The following RIMKLB variants were observed in gnomAD, a reference collection of about 807,000 sequenced individuals.
RIMKLB encodes the protein beta-citrylglutamate synthase B.
RIMKLB carries 7 observed loss-of-function variants against 32.0 expected under a neutral mutation model. The observed-to-expected ratio is 0.22, with a 90% CI of 0.12 to 0.41. The LOEUF (loss-of-function observed/expected upper bound fraction) is 0.41, where lower values mean the gene tolerates loss of function less well. Among genes scored for constraint, RIMKLB ranks in the 10% least tolerant of loss-of-function variants. The pLI, the probability that RIMKLB is intolerant of heterozygous loss-of-function variation, is 1.00. For synonymous variants in RIMKLB, 172 were observed against 185.1 expected (o/e 0.93, Z 0.57); for missense variants, 289 against 498.7 (o/e 0.58, Z 4.00).
At chr12:8,741,376 T>C (rs1947506118) in intron 2 of RIMKLB, among the ~76,000 whole-genome samples, 5 of 148,724 alleles carry the variant, frequency 3.4e-5, no homozygotes, top group African/African-American at 1.2e-4. Context: ...AGACTCCACC[T>C]TAAAAAAAAA....
intron 1 of RIMKLB, among the ~76,000 whole-genome samples, chr12:8,698,961 CA>C (rs777285492): frequency 1.2e-3 from 175 of 146,788 alleles, no homozygotes; most frequent in Non-Finnish European, 1.9e-3. Context: ...CACCCCCCCC[CA>C]AAAAAAACCC....
intron 2 of RIMKLB, among the ~76,000 whole-genome samples, chr12:8,729,598 A>G (rs893747148): frequency 1.1e-4 from 17 of 152,084 alleles, no homozygotes; most frequent in African/African-American, 4.1e-4. Context: ...GCAGGAAAAC[A>G]GGGATGTAAA....
chr12:8,775,687 T>C lies in RIMKLB; in HGVS notation c.*1903T>C, dbSNP rs568566501. On this transcript the variant is annotated 3_prime_UTR_variant, in exon 6 of 6. Transcript: ENST00000535829. ...CGTTTTAAAAAGGAATGTAATAAAA[T>C]TTGTTTTTTCCATAGAATTAAATAA... 1.4e-5 allele frequency: 14 copies of C among 985,150 alleles called. No individual in the cohort carries two copies. The highest frequency in any genetic ancestry group is 1.7e-5 in the Non-Finnish European group (14 of 829,410). 61.0% of individuals were successfully genotyped at this position (985,150 alleles called of 1,614,324 possible).
intron 5 of RIMKLB, among the ~76,000 whole-genome samples, chr12:8,764,189 G>A (rs749192720): frequency 6.6e-6 from 1 of 152,172 alleles, no homozygotes; most frequent in Non-Finnish European, 1.5e-5. Context: ...TTGGGCCTCG[G>A]GTCTAAGGGG....
At chr12:8,687,988 T>C (rs1942627523) in intron 1 of RIMKLB, among the ~76,000 whole-genome samples, 1 of 152,080 alleles carries the variant, frequency 6.6e-6, no homozygotes, top group Non-Finnish European at 1.5e-5. Flanking sequence ...AGGAGGTGTC[T>C]AGAAGAAACA....
chr12:8,714,717 AC>A (rs1183965357), intron 2 of RIMKLB, among the ~76,000 whole-genome samples: 2 of 152,162 alleles, frequency 1.3e-5, no homozygotes, highest in African/African-American at 4.8e-5. Flanking sequence ...TTTTCAGAAA[AC>A]TAAATTTTTG....
chr12:8,693,124 T>TTAAAGGTTTAA (rs1942780463), upstream of RIMKLB, among the ~76,000 whole-genome samples: 1 of 152,230 alleles, frequency 6.6e-6, no homozygotes. Context: ...ATGATGTGTA[T>TTAAAGGTTTAA]AGGGCACTTA....
chr12:8,763,975 C>T (rs1015674834), intron 5 of RIMKLB, among the ~76,000 whole-genome samples: 1 of 152,192 alleles, frequency 6.6e-6, no homozygotes, highest in Non-Finnish European at 1.5e-5. Context: ...TCTGCTTCCT[C>T]TGGCATTTAG....
At position 8,682,648 on chromosome 12, in the gene RIMKLB, T is replaced by C. The variant is rs1942443815; in HGVS notation, n.219+830T>C. ...TTAGCCGGGCGTGGTGGCGGGCGCCTGTAGTCCCAGCTACTCGGGAGGCTG... is the reference window on the plus strand; with the variant it reads ...TTAGCCGGGCGTGGTGGCGGGCGCCCGTAGTCCCAGCTACTCGGGAGGCTG... On this transcript the variant is annotated intron_variant and non_coding_transcript_variant, in intron 1 of 1. Coordinates refer to the RIMKLB transcript ENST00000538758. Among the ~76,000 whole-genome samples, 4 of 151,522 alleles carry C rather than the reference T, an allele frequency of 2.6e-5. No homozygotes were observed. The South Asian group carries it at 8.3e-4, about 32-fold the overall frequency.
chr12:8,773,554 C>G lies in RIMKLB; in HGVS notation c.931C>G (p.Arg311Gly). 2 of 1,614,244 alleles carry G rather than the reference C, an allele frequency of 1.2e-6. No homozygotes were observed. The highest frequency in any genetic ancestry group is 1.3e-5 in the African/African-American group (1 of 75,062). Residue 311 changes from arginine to glycine, a missense_variant, in exon 6 of 6, where the codon CGG (arginine) becomes GGG (glycine). Coordinates refer to ENST00000535829, the MANE Select transcript of RIMKLB (RefSeq NM_001297776.2). ...TGCCGCCTCCCTTCTACCCTCTGGC[C>G]GGCTCACCCGGCGTATGTCCCTGCT... ...DYAASLLPSGRLTRRMSLLSV... is the reference protein window; with the variant it reads ...DYAASLLPSGGLTRRMSLLSV...
chr12:8,751,985 T>C lies in RIMKLB; in HGVS notation c.435T>C (p.Ile145=). 1 of 1,613,760 alleles carries C rather than the reference T, an allele frequency of 6.2e-7. No individual in the cohort carries two copies. Among genetic ancestry groups the C allele is most frequent in the South Asian group, 1.1e-5 (1 of 91,036 alleles). The part of the protein sequence containing the change: ...YGGHENFAKM[I]DEAEVLEFPM... Reference sequence around the variant, plus strand: ...GCCACGAAAATTTTGCTAAAATGATTGATGAGGCTGAAGTTCTGGAGTTCC... The same window carrying C: ...GCCACGAAAATTTTGCTAAAATGATCGATGAGGCTGAAGTTCTGGAGTTCC... The change falls in exon 4 of 6, where the codon ATT becomes ATC. Residue 145 remains isoleucine, a synonymous_variant. Transcript: ENST00000535829.
rs1948838096 is a variant in RIMKLB, at chr12:8,754,188, A to C, written c.697+95A>C. The C allele has an allele frequency of 6.8e-6, 6 of 885,950 alleles. No individual in the cohort carries two copies. In the South Asian group the frequency reaches 7.4e-5, roughly 11 times the overall value. The allele number at this position is 885,950 out of a possible 1,614,324, so 54.9% of individuals were successfully genotyped here. ...GTATGTAACTCTAGACCTTCTTAAT[A>C]AGTTGAAAAACGTATTTCCTTTTAC... On this transcript the variant is annotated intron_variant, in intron 5 of 5. Coordinates refer to ENST00000535829, the MANE Select transcript of RIMKLB (RefSeq NM_001297776.2).
Position 8,713,883 on chromosome 12 carries a change from C to T in RIMKLB, c.17C>T (p.Ala6Val). The T allele has an allele frequency of 1.2e-6, 2 of 1,613,980 alleles. No homozygotes were observed. The highest frequency in any genetic ancestry group is 1.1e-5 in the South Asian group (1 of 91,068). MCSSV[A>V]AKLWFLTDRR... Reference sequence around the variant, plus strand: ...CTGATCAAGATGTGTAGTTCTGTGGCTGCCAAGTTGTGGTTTTTGACAGAT... The same window carrying T: ...CTGATCAAGATGTGTAGTTCTGTGGTTGCCAAGTTGTGGTTTTTGACAGAT... The change falls in exon 2 of 6, where the codon GCT (alanine) becomes GTT (valine). Residue 6 changes from alanine (A) to valine (V), a missense_variant. Ala to Val is a moderately conservative substitution (Grantham distance 64, BLOSUM62 0). Coordinates refer to ENST00000535829, the MANE Select transcript of RIMKLB (RefSeq NM_001297776.2).
chr12:8,772,278 C>CAA (rs1167892789), intron 5 of RIMKLB, among the ~76,000 whole-genome samples: 2 of 152,222 alleles, frequency 1.3e-5, no homozygotes, highest in Non-Finnish European at 2.9e-5. Flanking sequence ...CGACTGTACT[C>CAA]TCTTTGAGTT....
Position 8,775,295 on chromosome 12 carries a change from C to T in RIMKLB, c.*1511C>T. ...TCTTATAGCCCTACTCTTAAGCCTT[C>T]AATACTGTCCACTCTTTATATTCCT... On this transcript the variant is annotated 3_prime_UTR_variant, in exon 6 of 6. Coordinates refer to ENST00000535829, the MANE Select transcript of RIMKLB (RefSeq NM_001297776.2). The T allele has an allele frequency of 3.0e-6, 3 of 985,238 alleles. No homozygotes were observed. The highest frequency in any genetic ancestry group is 3.6e-6 in the Non-Finnish European group (3 of 829,844). 61.0% of individuals were successfully genotyped at this position (985,238 alleles called of 1,614,324 possible). A position where few individuals can be genotyped will look rare whatever the true frequency, so the allele number is the denominator to read the frequency against.
intron 1 of RIMKLB, chr12:8,700,197 T>C (rs1943267885): frequency 6.6e-6 from 1 of 152,224 alleles, no homozygotes; most frequent in African/African-American, 2.4e-5. Context: ...TTCTCAGTCA[T>C]ACTGTGAAGA....
chr12:8,723,312 A>C (rs1223467612), intron 2 of RIMKLB, among the ~76,000 whole-genome samples: 1 of 152,246 alleles, frequency 6.6e-6, no homozygotes, highest in Non-Finnish European at 1.5e-5. Flanking sequence ...TGGGGAAGCC[A>C]GTTGGTGGAG....
At chr12:8,715,350 T>C (rs1404960055) in intron 2 of RIMKLB, among the ~76,000 whole-genome samples, 1 of 151,588 alleles carries the variant, frequency 6.6e-6, no homozygotes. Flanking sequence ...CTCAGCCTCC[T>C]GAGTAGCTGG....
the RIMKLB span, among the ~76,000 whole-genome samples, chr12:8,670,094 C>T: frequency 1.3e-5 from 2 of 151,432 alleles, no homozygotes; most frequent in Admixed American, 1.3e-4. Context: ...TCCCCCGGGT[C>T]CCTCCCACAA....
Sources: allele counts gnomAD v4.1 joint callset (sites outside exome capture counted in the v4.1 genomes callset), GRCh38; gene constraint gnomAD v4.1.1; transcripts MANE v1.5; gene names NCBI Gene and HGNC (gene_info 2026-07-23, HGNC 2026-07-21).